MAGT1: variants seen among roughly 807,000 people sequenced by gnomAD.
The protein encoded by MAGT1 is magnesium transporter 1.
In MAGT1, 4 loss-of-function variants were observed where a neutral mutation model predicts 28.4. That is an observed-to-expected ratio of 0.14 (90% confidence interval 0.07 to 0.32). The LOEUF is 0.32. MAGT1 is among the 10% of genes least tolerant of loss of function. The pLI is 1.00. For missense variants in MAGT1, 193 were observed against 264.5 expected (o/e 0.73, Z 1.88); for synonymous variants, 89 against 89.7 (o/e 0.99, Z 0.04).
intron 1 of MAGT1, among the ~76,000 whole-genome samples, chrX:77,885,795 C>G (rs1014909020): frequency 9.0e-6 from 1 of 110,704 alleles, no homozygotes; most frequent in African/African-American, 3.3e-5. Flanking sequence ...GCCTGACCAA[C>G]ATGGTGAAAC....
chrX:77,891,523 A>G (rs782773318), intron 1 of MAGT1, among the ~76,000 whole-genome samples: 2 of 111,603 alleles, frequency 1.8e-5, no homozygotes, highest in Non-Finnish European at 3.8e-5. Context: ...TCATCTTTAA[A>G]GTCCCCTTAT....
chrX:77,844,215 G>C (rs782279826), intron 7 of MAGT1, among the ~76,000 whole-genome samples: 2 of 111,998 alleles, frequency 1.8e-5, no homozygotes, highest in East Asian at 5.6e-4. Context: ...ATTTCTTCTA[G>C]ATTTTCTAGT....
At chrX:77,861,540 A>ACTT (rs1444122263) in intron 3 of MAGT1, among the ~76,000 whole-genome samples, 1 of 112,239 alleles carries the variant, frequency 8.9e-6, no homozygotes, top group Non-Finnish European at 1.9e-5. Context: ...TAGCAATTCT[A>ACTT]CTTCTAAGTA....
At chrX:77,840,135 C>T (rs1375342180) in intron 8 of MAGT1, among the ~76,000 whole-genome samples, 1 of 107,284 alleles carries the variant, frequency 9.3e-6, no homozygotes, top group Non-Finnish European at 1.9e-5. Flanking sequence ...CGTGGTGGCT[C>T]ATGCCTGTAA....
At chrX:77,861,780 T>G (rs2076995421) in intron 3 of MAGT1, among the ~76,000 whole-genome samples, 1 of 112,173 alleles carries the variant, frequency 8.9e-6, no homozygotes, top group Non-Finnish European at 1.9e-5. Flanking sequence ...GACATGATGC[T>G]AAGTGAAATA....
intron 1 of MAGT1, among the ~76,000 whole-genome samples, chrX:77,883,561 T>TC (rs2077059434): frequency 1.0e-5 from 1 of 98,530 alleles, no homozygotes; most frequent in African/African-American, 3.7e-5. Context: ...TTCTTTTTTT[T>TC]TTTTTTTTTT....
At chrX:77,880,435 AGGAG>A (rs1184578649) in intron 1 of MAGT1, among the ~76,000 whole-genome samples, 3 of 109,559 alleles carry the variant, frequency 2.7e-5, no homozygotes, top group Non-Finnish European at 5.7e-5. Context: ...AGGCTGAGGC[AGGAG>A]AATTGCTTGA....
intron 1 of MAGT1, among the ~76,000 whole-genome samples, chrX:77,892,448 C>A (rs1163475543): frequency 4.5e-5 from 5 of 111,334 alleles, no homozygotes; most frequent in Admixed American, 1.9e-4. Context: ...TCCATGCTTA[C>A]TGATGAGAAA....
intron 1 of MAGT1, among the ~76,000 whole-genome samples, chrX:77,881,221 A>G (rs1469709409): frequency 9.0e-6 from 1 of 111,269 alleles, no homozygotes; most frequent in African/African-American, 3.3e-5. Flanking sequence ...TATGCAATCT[A>G]TATTTTGAAG....
At chrX:77,844,745 T>C (rs1206265276) in intron 7 of MAGT1, among the ~76,000 whole-genome samples, 1 of 111,682 alleles carries the variant, frequency 9.0e-6, no homozygotes, top group Non-Finnish European at 1.9e-5. Context: ...TCCATGTAGT[T>C]GAGTGGTTCT....
chrX:77,889,376 AT>A (rs1450634097), intron 1 of MAGT1, among the ~76,000 whole-genome samples: 33 of 95,627 alleles, frequency 3.5e-4, no homozygotes, highest in East Asian at 3.2e-3. Context: ...ATATATATAT[AT>A]TTTTTTTTTT....
At chrX:77,858,837 C>T (rs2076987733) in intron 3 of MAGT1, among the ~76,000 whole-genome samples, 1 of 111,966 alleles carries the variant, frequency 8.9e-6, no homozygotes, top group Non-Finnish European at 1.9e-5. Context: ...CTACCAAATG[C>T]TGCCCAAATT....
At chrX:77,876,737 G>A (rs1420116739) in intron 1 of MAGT1, among the ~76,000 whole-genome samples, 4 of 111,770 alleles carry the variant, frequency 3.6e-5, no homozygotes, top group Admixed American at 9.6e-5. Context: ...TAACTCAGCC[G>A]GGCATGGTGA....
At position 77,875,442 on chromosome X, in the gene MAGT1, C is replaced by T. The variant is rs1557217703; in HGVS notation, c.258G>A (p.Gln86=). ...GGAGTTCATACTTGCAAACGACACACTGTCTATGCAGTTGGAGAGCAGTGA... is the reference window on the plus strand; with the variant it reads ...GGAGTTCATACTTGCAAACGACACATTGTCTATGCAGTTGGAGAGCAGTGA... ...VMFTALQLHR[Q]CVVCKQADEE... is the part of the protein sequence containing the mutation. The change falls in exon 2 of 10, where the codon CAG becomes CAA. Residue 86 remains glutamine (Q), a synonymous_variant. Transcript: ENST00000618282. 2 of 1,209,154 alleles carry T rather than the reference C, an allele frequency of 1.7e-6. No individual in the cohort carries two copies. The highest frequency in any genetic ancestry group is 3.5e-5 in the South Asian group (2 of 56,871).
chrX:77,854,506 TTTTTC>T (rs781923479), intron 6 of MAGT1, among the ~76,000 whole-genome samples: 1 of 110,711 alleles, frequency 9.0e-6, no homozygotes, highest in Non-Finnish European at 1.9e-5. Context: ...TTGTTGTTGT[TTTTTC>T]TTTTCTTTTT....
chrX:77,890,063 A>G (rs782648796), intron 1 of MAGT1, among the ~76,000 whole-genome samples: 9 of 112,324 alleles, frequency 8.0e-5, no homozygotes, highest in Non-Finnish European at 1.7e-4. Context: ...ATTTCACTTA[A>G]CATAACGACT....
chrX:77,889,626 C>T (rs1211085769), intron 1 of MAGT1, among the ~76,000 whole-genome samples: 4 of 109,811 alleles, frequency 3.6e-5, no homozygotes, highest in African/African-American at 1.3e-4. Flanking sequence ...CTGCCTCGGC[C>T]TCCCAAAGTG....
chrX:77,875,622 T>C, intron 1 of MAGT1, 25 bp from the exon 2 acceptor site: 2 of 1,188,179 alleles, frequency 1.7e-6, no homozygotes, highest in Non-Finnish European at 2.3e-6. Context: ...GTGAGCATGC[T>C]ATTAATATAC....
At chrX:77,879,334 C>T (rs188429058) in intron 1 of MAGT1, among the ~76,000 whole-genome samples, 90 of 111,976 alleles carry the variant, frequency 8.0e-4, no homozygotes, top group African/African-American at 1.7e-3. Context: ...GGATTACAGG[C>T]GTGAATCACT....
Sources: gnomAD v4.1 joint callset for allele counts (sites outside exome capture counted in the v4.1 genomes callset) on GRCh38, gnomAD v4.1.1 for gene constraint, MANE v1.5 for transcripts, NCBI Gene and HGNC (gene_info 2026-07-23, HGNC 2026-07-21) for gene names.